PEX14: variants seen among roughly 807,000 people sequenced by gnomAD.
PEX14 encodes peroxisomal membrane protein PEX14.
In PEX14, 15 loss-of-function variants were observed where a neutral mutation model predicts 49.5. The observed-to-expected ratio is 0.30, with a 90% confidence interval of 0.20 to 0.47. The LOEUF (loss-of-function observed/expected upper bound fraction) is 0.47. Among genes scored for constraint, PEX14 ranks in the 20% least tolerant of loss-of-function variants. PEX14 has a pLI of 1.00. For synonymous variants in PEX14, 210 were observed against 212.7 expected (o/e 0.99, Z 0.11); for missense variants, 398 against 494.8 (o/e 0.80, Z 1.86).
At chr1:10,557,360 C>T (rs1021710454) in intron 3 of PEX14, among the ~76,000 whole-genome samples, 2 of 152,026 alleles carry the variant, frequency 1.3e-5, no homozygotes, top group African/African-American at 4.8e-5. Flanking sequence ...CCGAGGTGGG[C>T]GGATCACTTG....
chr1:10,589,456 T>C (rs1440077112), intron 3 of PEX14, among the ~76,000 whole-genome samples: 1 of 152,212 alleles, frequency 6.6e-6, no homozygotes, highest in African/African-American at 2.4e-5. Context: ...AGAGTGTAAG[T>C]TGAATTCAAG....
At chr1:10,625,523 G>A (rs528118417) in intron 7 of PEX14, among the ~76,000 whole-genome samples, 1 of 152,332 alleles carries the variant, frequency 6.6e-6, no homozygotes, top group Non-Finnish European at 1.5e-5. Context: ...TGTGAAGAGG[G>A]TCCCAGGAAT....
At chr1:10,480,927 G>A (rs1410840301) in intron 1 of PEX14, among the ~76,000 whole-genome samples, 1 of 148,984 alleles carries the variant, frequency 6.7e-6, no homozygotes, top group Non-Finnish European at 1.5e-5. Flanking sequence ...TTTCATCCTA[G>A]AATATTTCAC....
At chr1:10,482,850 T>G (rs1641305480) in intron 1 of PEX14, among the ~76,000 whole-genome samples, 1 of 152,228 alleles carries the variant, frequency 6.6e-6, no homozygotes, top group Admixed American at 6.5e-5. Flanking sequence ...GCATTTCTGG[T>G]GAGTTCATCT....
At chr1:10,534,192 G>A (rs539194231) in intron 2 of PEX14, among the ~76,000 whole-genome samples, 1 of 152,328 alleles carries the variant, frequency 6.6e-6, no homozygotes, top group Non-Finnish European at 1.5e-5. Context: ...CATGATACGA[G>A]TAGTGTAATT....
Position 10,630,252 on chromosome 1 carries a change from G to A in PEX14, c.*265G>A, listed in dbSNP as rs1051239390. Reference sequence around the variant, plus strand: ...GCTTTGATCTCAAGTCAGGCTGAAGGCAGCGAAGCCTCGGGGCCCAAGCCC... The same window carrying A: ...GCTTTGATCTCAAGTCAGGCTGAAGACAGCGAAGCCTCGGGGCCCAAGCCC... On this transcript the variant is annotated 3_prime_UTR_variant, in exon 9 of 9. Transcript: ENST00000356607. The surrounding 1 kb of genome is among the most constrained non-coding windows in gnomAD (Gnocchi z 4.1). 6 of 586,806 alleles carry A rather than the reference G, an allele frequency of 1.0e-5. No homozygotes were observed. The highest frequency in any genetic ancestry group is 7.5e-5 in the African/African-American group (4 of 53,382). The allele number at this position is 586,806 out of a possible 1,614,324, so 36.3% of individuals were successfully genotyped here.
chr1:10,588,825 GA>G (rs1308431282), intron 3 of PEX14, among the ~76,000 whole-genome samples: 3 of 152,064 alleles, frequency 2.0e-5, no homozygotes, highest in Admixed American at 6.6e-5. Context: ...TCCTTTAAGT[GA>G]AACAGAGAAT....
At chr1:10,587,977 G>C (rs1036311520) in intron 3 of PEX14, among the ~76,000 whole-genome samples, 7 of 135,294 alleles carry the variant, frequency 5.2e-5, no homozygotes, top group African/African-American at 2.0e-4. Flanking sequence ...TGCAATCCTA[G>C]CACTTTGGGA....
chr1:10,574,504 TC>T (rs1243264126), intron 3 of PEX14, among the ~76,000 whole-genome samples: 1 of 152,212 alleles, frequency 6.6e-6, no homozygotes, highest in Non-Finnish European at 1.5e-5. Context: ...GTATATCATC[TC>T]AGCTTTTAAA....
chr1:10,595,045 A>AG (rs1640798703), intron 3 of PEX14, among the ~76,000 whole-genome samples: 1 of 152,046 alleles, frequency 6.6e-6, no homozygotes, highest in South Asian at 2.1e-4. Flanking sequence ...TTAAAAAAAA[A>AG]AGCCCACCCT....
rs76100384 is a variant in PEX14, at chr1:10,551,780, A to G, written c.169+15483A>G. Among the ~76,000 whole-genome samples, 501 of 152,306 alleles carry G rather than the reference A, an allele frequency of 3.3e-3. 4 individuals carry two copies. Among genetic ancestry groups the G allele is most frequent in the African/African-American group, 0.011 (468 of 41,566 alleles). On this transcript the variant is annotated intron_variant, in intron 3 of 8. Coordinates refer to ENST00000356607, the MANE Select transcript of PEX14 (RefSeq NM_004565.3). ...AGTTTGGTATCAGGGATGCAAACTA[A>G]TTTTAATGTTAGCCTAACAAAAATA...
At chr1:10,575,533 C>A (rs564174846) in intron 3 of PEX14, among the ~76,000 whole-genome samples, 2 of 152,114 alleles carry the variant, frequency 1.3e-5, no homozygotes, top group Non-Finnish European at 2.9e-5. Context: ...AATCACATAG[C>A]CCCTGCTTCT....
intron 4 of PEX14, among the ~76,000 whole-genome samples, chr1:10,602,693 A>G (rs747988827): frequency 2.6e-5 from 4 of 152,172 alleles, no homozygotes; most frequent in Non-Finnish European, 5.9e-5. Flanking sequence ...TCTGACTTTA[A>G]ATATTTAAAT....
At chr1:10,493,170 G>A (rs928828568) in intron 1 of PEX14, among the ~76,000 whole-genome samples, 4 of 152,162 alleles carry the variant, frequency 2.6e-5, no homozygotes, top group East Asian at 3.9e-4. Flanking sequence ...TGTAGGCCAC[G>A]CTGAGGTTTT....
At chr1:10,476,578 G>A (rs655271) in intron 1 of PEX14, among the ~76,000 whole-genome samples, 61,775 of 151,854 alleles carry the variant, frequency 0.41, 14,032 homozygotes, top group Non-Finnish European at 0.51. Context: ...TCGGCTCACT[G>A]CCTCCCGGGT....
At chr1:10,604,455 A>C (rs1302419508) in intron 4 of PEX14, among the ~76,000 whole-genome samples, 1 of 152,040 alleles carries the variant, frequency 6.6e-6, no homozygotes, top group Non-Finnish European at 1.5e-5. Flanking sequence ...CCATCTCTGT[A>C]AAAAAATTTA....
intron 1 of PEX14, among the ~76,000 whole-genome samples, chr1:10,488,902 T>A (rs1641420172): frequency 6.6e-6 from 1 of 152,262 alleles, no homozygotes; most frequent in African/African-American, 2.4e-5. Flanking sequence ...TGTTCTTGTC[T>A]ACTAGTTATA....
At chr1:10,618,923 G>GTAGAGGACTC (rs1466020601) in intron 5 of PEX14, among the ~76,000 whole-genome samples, 1 of 152,212 alleles carries the variant, frequency 6.6e-6, no homozygotes, top group Non-Finnish European at 1.5e-5. Context: ...AGTCTCCCTT[G>GTAGAGGACTC]TAGAGGACTC....
rs778712061 is a variant in PEX14, at chr1:10,536,272, C to G, written c.144C>G (p.Thr48=). ...NSRVRQSPLA[T]RRAFLKKKGL... ...GGGTCCGCCAGAGCCCACTTGCAAC[C>G]AGGAGAGCATTCCTAAAGAAGAAAG... Residue 48 remains threonine (T), a synonymous_variant, in exon 3 of 9, where the codon ACC becomes ACG. Coordinates refer to ENST00000356607, the MANE Select transcript of PEX14 (RefSeq NM_004565.3). The G allele has an allele frequency of 6.2e-6, 10 of 1,609,158 alleles. No individual in the cohort carries two copies. Among genetic ancestry groups the G allele is most frequent in the Non-Finnish European group, 8.5e-6 (10 of 1,175,514 alleles).
Sources: gnomAD v4.1 joint callset for allele counts (sites outside exome capture counted in the v4.1 genomes callset) on GRCh38, gnomAD v4.1.1 for gene constraint, Gnocchi (gnomAD v3.1) non-coding constraint, MANE v1.5 for transcripts, NCBI Gene and HGNC (gene_info 2026-07-23, HGNC 2026-07-21) for gene names.